Variants in ELOC observed in about 807,000 individuals in gnomAD.
ELOC encodes the protein elongin-C.
For missense variants in ELOC, 38 were observed against 139.0 expected (o/e 0.27, Z 3.65); for synonymous variants, 40 against 51.3 (o/e 0.78, Z 0.94).
At chr8:73,952,514 C>G (rs1273596024) in intron 3 of ELOC, among the ~76,000 whole-genome samples, 4 of 149,294 alleles carry the variant, frequency 2.7e-5, no homozygotes, top group Non-Finnish European at 5.9e-5. Context: ...GGTGCGGTGG[C>G]TCATGCCTGT....
intron 2 of ELOC, among the ~76,000 whole-genome samples, chr8:73,958,893 G>A (rs1164933490): frequency 6.6e-6 from 1 of 152,150 alleles, no homozygotes; most frequent in Non-Finnish European, 1.5e-5. Flanking sequence ...TCCTAAGAGT[G>A]TACTTACTAA....
chr8:73,956,148 C>T (rs1814167537), intron 2 of ELOC, 94 bp from the exon 3 acceptor site: 4 of 1,205,054 alleles, frequency 3.3e-6, no homozygotes, highest in Non-Finnish European at 4.7e-6. Context: ...CGCCTGTAAT[C>T]CCAGCACTTT....
intron 3 of ELOC, among the ~76,000 whole-genome samples, chr8:73,951,991 C>G (rs1018982039): frequency 6.6e-6 from 1 of 152,152 alleles, no homozygotes; most frequent in African/African-American, 2.4e-5. Context: ...TCTTACTTCA[C>G]AGCATAAACA....
intron 1 of ELOC, among the ~76,000 whole-genome samples, chr8:73,967,946 C>T (rs1296321418): frequency 6.6e-6 from 1 of 152,156 alleles, no homozygotes; most frequent in South Asian, 2.1e-4. Flanking sequence ...TCCCCCATTC[C>T]TCGAGGTTCA....
At chr8:73,963,991 G>A (rs1182747267) in intron 1 of ELOC, among the ~76,000 whole-genome samples, 1 of 151,132 alleles carries the variant, frequency 6.6e-6, no homozygotes, top group African/African-American at 2.4e-5. Flanking sequence ...TACTCGGGAG[G>A]CTGAGGCAGG....
Position 73,946,549 on chromosome 8 carries a change from G to A in ELOC, c.*81C>T. On this transcript the variant is annotated 3_prime_UTR_variant, in exon 4 of 4. Coordinates refer to ENST00000520242, the MANE Select transcript of ELOC (RefSeq NM_005648.4). Reference sequence around the variant, plus strand: ...TAGTTCAACTGCATACAGGCAACATGCTATATATGAAAAAGTTACTAACTG... The same window carrying A: ...TAGTTCAACTGCATACAGGCAACATACTATATATGAAAAAGTTACTAACTG... 9.1e-7 allele frequency: 1 copy of A among 1,100,798 alleles called. No homozygotes were observed. The highest frequency in any genetic ancestry group is 1.8e-5 in the South Asian group (1 of 54,954). The allele number at this position is 1,100,798 out of a possible 1,614,324, so 68.2% of individuals were successfully genotyped here.
rs1814157074 is a variant in ELOC, at chr8:73,956,062, AAAGT to A, written c.5-12_5-9del. On this transcript the variant is annotated splice_polypyrimidine_tract_variant and intron_variant, in intron 2 of 3. Coordinates refer to ENST00000520242, the MANE Select transcript of ELOC (RefSeq NM_005648.4). ...AGGTTTTCTCCTCTCCATCTAAAGT[AAAGT>A]AAGTAGTGAAACAATTTTTGAGTCA... is the stretch of plus-strand genomic sequence containing the variant. 4 of 1,608,808 alleles carry A rather than the reference AAAGT, an allele frequency of 2.5e-6. No individual in the cohort carries two copies. The highest frequency in any genetic ancestry group is 2.7e-5 in the African/African-American group (2 of 74,900).
chr8:73,948,214 C>T (rs1468334788), intron 3 of ELOC, among the ~76,000 whole-genome samples: 1 of 150,904 alleles, frequency 6.6e-6, no homozygotes, highest in African/African-American at 2.4e-5. Flanking sequence ...AAAGATAGTA[C>T]TTGAGATTCA....
chr8:73,946,875 A>C (rs542496935), intron 3 of ELOC, 55 bp from the exon 4 acceptor site: 13 of 1,497,284 alleles, frequency 8.7e-6, no homozygotes, highest in Non-Finnish European at 8.3e-6. Context: ...CTCCAAATTC[A>C]TATGTTGAAG....
Position 73,946,229 on chromosome 8 carries a change from C to T in ELOC, c.*401G>A. ...AATTATTTGCATAACTCTAGTAATG[C>T]TAATGGCGGCTATAAGATTAGGTTT... On this transcript the variant is annotated 3_prime_UTR_variant, in exon 4 of 4. Coordinates refer to ENST00000520242, the MANE Select transcript of ELOC (RefSeq NM_005648.4). The T allele has an allele frequency of 6.3e-6, 1 of 157,638 alleles. No individual in the cohort carries two copies. The highest frequency in any genetic ancestry group is 1.9e-4 in the South Asian group (1 of 5,134). 9.8% of individuals were successfully genotyped at this position (157,638 alleles called of 1,614,324 possible).
At chr8:73,967,229 C>T (rs1387784532) in intron 1 of ELOC, among the ~76,000 whole-genome samples, 2 of 152,030 alleles carry the variant, frequency 1.3e-5, no homozygotes, top group Non-Finnish European at 2.9e-5. Context: ...AATCCAACAA[C>T]CTCTCCTCCA....
intron 1 of ELOC, among the ~76,000 whole-genome samples, chr8:73,961,230 C>T (rs577178118): frequency 7.3e-4 from 111 of 152,196 alleles, no homozygotes; most frequent in African/African-American, 2.6e-3. Context: ...CTCTTTTTTA[C>T]GTCATTAACA....
At position 73,949,273 on chromosome 8, in the gene ELOC, A is replaced by C. The variant is rs546539813; in HGVS notation, c.149-2453T>G. 3.9e-5 allele frequency among the ~76,000 whole-genome samples: 6 copies of C among 152,340 alleles called. No homozygotes were observed. The South Asian group carries it at 1.2e-3, about 32-fold the overall frequency. On this transcript the variant is annotated intron_variant, in intron 3 of 3. Transcript: ENST00000520242. ...CGGGACTCAGCAAATAATTCACAAC[A>C]ATGAGGTAAATTTTGGTTTGCCAAT...
chr8:73,965,053 A>AAAAC lies in ELOC; in HGVS notation c.-50-5236_-50-5235insGTTT, dbSNP rs1554596587. 1.3e-5 allele frequency among the ~76,000 whole-genome samples: 2 copies of AAAAC among 148,642 alleles called. 1 individual carries two copies. Among genetic ancestry groups the AAAAC allele is most frequent in the African/African-American group, 4.9e-5 (2 of 40,436 alleles). ...AAACAAACCAAAAAAAAAAAAAAAA[A>AAAAC]CTCTCAAAAACCAAAAAGAAAAATG... On this transcript the variant is annotated intron_variant, in intron 1 of 3. Transcript: ENST00000520242.
intron 2 of ELOC, among the ~76,000 whole-genome samples, chr8:73,956,333 C>T (rs1400780337): frequency 2.0e-5 from 3 of 151,882 alleles, no homozygotes; most frequent in Admixed American, 6.6e-5. Context: ...TGCAGTGAGC[C>T]GAGATCACGC....
intron 2 of ELOC, 148 bp downstream of exon 2, chr8:73,959,617 A>G: frequency 1.7e-6 from 1 of 581,434 alleles, no homozygotes; most frequent in African/African-American, 1.9e-5. Context: ...TATGTAGGGC[A>G]TGACTGTGTA....
chr8:73,968,863 C>T (rs1815169928), intron 1 of ELOC, among the ~76,000 whole-genome samples: 1 of 152,212 alleles, frequency 6.6e-6, no homozygotes, highest in South Asian at 2.1e-4. Context: ...TTTTAATCCT[C>T]ATTTAGCAGT....
At chr8:73,953,108 C>T (rs1320718597) in intron 3 of ELOC, among the ~76,000 whole-genome samples, 1 of 152,026 alleles carries the variant, frequency 6.6e-6, no homozygotes, top group Non-Finnish European at 1.5e-5. Context: ...AGTTCAAGAC[C>T]AGCCTGGCCA....
At chr8:73,971,611 T>C (rs1320865814) in intron 1 of ELOC, among the ~76,000 whole-genome samples, 1 of 151,750 alleles carries the variant, frequency 6.6e-6, no homozygotes. Flanking sequence ...CCCCAACTCA[T>C]GAAGTCGAGC....
Sources: allele counts gnomAD v4.1 joint callset (sites outside exome capture counted in the v4.1 genomes callset), GRCh38; gene constraint gnomAD v4.1.1; transcripts MANE v1.5; gene names NCBI Gene and HGNC (gene_info 2026-07-23, HGNC 2026-07-21).